NKAIN2: variants seen among roughly 807,000 people sequenced by gnomAD.
NKAIN2 encodes sodium/potassium transporting ATPase interacting 2, also known as sodium/potassium-transporting ATPase subunit beta-1-interacting protein 2.
Under a neutral mutation model 32.6 loss-of-function variants are expected in NKAIN2, and 14 were observed. That is an observed-to-expected ratio of 0.43 (90% CI 0.28 to 0.67). The LOEUF is 0.67. Among genes scored for constraint, NKAIN2 ranks in the 30% least tolerant of loss-of-function variants. The probability of loss-of-function intolerance (pLI) is 0.17; values close to 1 mark genes in which losing one functional copy is unlikely to be tolerated. For synonymous variants in NKAIN2, 80 were observed against 87.2 expected, an observed-to-expected ratio of 0.92 and a Z score of 0.46; for missense variants, 198 against 258.3, an observed-to-expected ratio of 0.77 and a Z score of 1.60.
intron 2 of NKAIN2, among the ~76,000 whole-genome samples, chr6:124,349,707 C>T (rs1401832494): frequency 6.6e-5 from 10 of 152,124 alleles, no homozygotes; most frequent in Admixed American, 6.6e-4. Context: ...TTGTATAACC[C>T]ATGACATATA....
At chr6:124,742,985 G>A (rs1172867361) in intron 4 of NKAIN2, among the ~76,000 whole-genome samples, 2 of 151,896 alleles carry the variant, frequency 1.3e-5, no homozygotes, top group African/African-American at 4.8e-5. Flanking sequence ...AAATTCACAA[G>A]GACAATGATG....
chr6:124,778,727 G>A (rs931975930), intron 4 of NKAIN2, among the ~76,000 whole-genome samples: 1 of 151,822 alleles, frequency 6.6e-6, no homozygotes, highest in Non-Finnish European at 1.5e-5. Flanking sequence ...CTTTTAGAAG[G>A]CGATTCCAAA....
At chr6:123,867,763 C>A (rs1207670534) in intron 1 of NKAIN2, among the ~76,000 whole-genome samples, 1 of 152,120 alleles carries the variant, frequency 6.6e-6, no homozygotes, top group Non-Finnish European at 1.5e-5. Context: ...TCAAAGCACA[C>A]CTCATCCCAG....
At chr6:124,062,633 T>A (rs1309543237) in intron 1 of NKAIN2, among the ~76,000 whole-genome samples, 1 of 152,174 alleles carries the variant, frequency 6.6e-6, no homozygotes, top group Non-Finnish European at 1.5e-5. Flanking sequence ...ATTGCCATGT[T>A]GTCCAGGCTG....
chr6:123,962,811 C>T (rs1777906071), intron 1 of NKAIN2, among the ~76,000 whole-genome samples: 1 of 152,136 alleles, frequency 6.6e-6, no homozygotes, highest in Non-Finnish European at 1.5e-5. Flanking sequence ...GTTATGATTA[C>T]CCTGCTAACG....
At chr6:124,599,691 T>C (rs1277276936) in intron 3 of NKAIN2, among the ~76,000 whole-genome samples, 1 of 152,130 alleles carries the variant, frequency 6.6e-6, no homozygotes, top group Non-Finnish European at 1.5e-5. Flanking sequence ...CTTCTGTGAA[T>C]ATCATTGAAT....
At chr6:124,424,736 G>T (rs1380998929) in intron 3 of NKAIN2, among the ~76,000 whole-genome samples, 1 of 151,978 alleles carries the variant, frequency 6.6e-6, no homozygotes, top group Non-Finnish European at 1.5e-5. Context: ...TATCCGTATT[G>T]TCATAAATGG....
At chr6:124,598,227 A>C (rs1434236035) in intron 3 of NKAIN2, among the ~76,000 whole-genome samples, 1 of 152,138 alleles carries the variant, frequency 6.6e-6, no homozygotes, top group Non-Finnish European at 1.5e-5. Context: ...TATGTTTTTT[A>C]GTTATATCCC....
At chr6:124,269,656 T>A (rs1582959989) in intron 1 of NKAIN2, among the ~76,000 whole-genome samples, 1 of 151,774 alleles carries the variant, frequency 6.6e-6, no homozygotes, top group South Asian at 2.1e-4. Flanking sequence ...TTAGTAGAGA[T>A]AGGGTTTCAC....
At chr6:123,878,867 C>G (rs977112862) in intron 1 of NKAIN2, among the ~76,000 whole-genome samples, 4 of 152,168 alleles carry the variant, frequency 2.6e-5, no homozygotes. Flanking sequence ...CCTTGCCTAC[C>G]TGGTGGCAAA....
At chr6:124,323,932 C>T (rs1488266697) in intron 2 of NKAIN2, among the ~76,000 whole-genome samples, 4 of 151,816 alleles carry the variant, frequency 2.6e-5, no homozygotes, top group Admixed American at 1.3e-4. Context: ...GGACTACAGG[C>T]GCCTGCCACC....
intron 1 of NKAIN2, among the ~76,000 whole-genome samples, chr6:124,052,354 A>T (rs1298215731): frequency 1.3e-5 from 2 of 152,102 alleles, no homozygotes; most frequent in Admixed American, 1.3e-4. Flanking sequence ...ACAAGTAGTA[A>T]TGTGGGTGTG....
chr6:124,418,637 G>C (rs989389215), intron 3 of NKAIN2, among the ~76,000 whole-genome samples: 5 of 149,318 alleles, frequency 3.3e-5, no homozygotes, highest in Non-Finnish European at 7.4e-5. Flanking sequence ...CAACAAACTA[G>C]AACTATCACG....
Position 123,964,951 on chromosome 6 carries a change from G to T in NKAIN2, c.54+160697G>T, listed in dbSNP as rs1778005500. Among the ~76,000 whole-genome samples the T allele has an allele frequency of 6.6e-6, 1 of 151,928 alleles. No individual in the cohort carries two copies. Among genetic ancestry groups the T allele is most frequent in the Admixed American group, 6.6e-5 (1 of 15,238 alleles). ...CCTATTTTGCCCTATTTAAGCCCTT[G>T]CTTAAATTGATTGCCCAGGTAAACA... On this transcript the variant is annotated intron_variant, in intron 1 of 6. Coordinates refer to ENST00000368417, the MANE Select transcript of NKAIN2 (RefSeq NM_001040214.3). The surrounding 1 kb of genome is among the most constrained non-coding windows in gnomAD (Gnocchi z 4.0).
At chr6:123,937,591 A>G (rs1208950732) in intron 1 of NKAIN2, among the ~76,000 whole-genome samples, 1 of 152,134 alleles carries the variant, frequency 6.6e-6, no homozygotes, top group African/African-American at 2.4e-5. Context: ...ATATGTGCTG[A>G]TAAATTACAC....
chr6:124,407,777 T>G (rs1293653801), intron 3 of NKAIN2, among the ~76,000 whole-genome samples: 2 of 151,618 alleles, frequency 1.3e-5, no homozygotes, highest in Non-Finnish European at 2.9e-5. Context: ...CCACACTGAC[T>G]TCCACAATGG....
At chr6:124,817,720 C>A (rs953603288) in intron 5 of NKAIN2, among the ~76,000 whole-genome samples, 6 of 152,104 alleles carry the variant, frequency 3.9e-5, no homozygotes, top group African/African-American at 1.4e-4. Context: ...ATACTCTTAC[C>A]GCCATTTTGG....
chr6:124,712,141 G>A (rs1297602396), intron 4 of NKAIN2, among the ~76,000 whole-genome samples: 37 of 151,548 alleles, frequency 2.4e-4, no homozygotes, highest in Middle Eastern at 3.4e-3. Flanking sequence ...GGGGTCGGGC[G>A]TCAGGGACCC....
At chr6:124,771,663 AATT>A (rs1778762992) in intron 4 of NKAIN2, among the ~76,000 whole-genome samples, 1 of 152,330 alleles carries the variant, frequency 6.6e-6, no homozygotes, top group Admixed American at 6.5e-5. Context: ...TAAATGGCAG[AATT>A]ATGAGTTATT....
Sources: allele counts gnomAD v4.1 joint callset (sites outside exome capture counted in the v4.1 genomes callset), GRCh38; gene constraint gnomAD v4.1.1; non-coding constraint Gnocchi (gnomAD v3.1); transcripts MANE v1.5; gene names NCBI Gene and HGNC (gene_info 2026-07-23, HGNC 2026-07-21).